The following MOB1A variants were observed in gnomAD, a reference collection of about 807,000 sequenced individuals.
MOB1A encodes MOB1 Mps One Binder homolog A.
MOB1A carries 10 observed loss-of-function variants against 25.1 expected under a neutral mutation model. The observed-to-expected ratio is 0.40, with a 90% CI of 0.25 to 0.68. The LOEUF (loss-of-function observed/expected upper bound fraction) is 0.68, where lower values mean the gene tolerates loss of function less well. Among genes scored for constraint, MOB1A ranks in the 30% least tolerant of loss-of-function variants. The pLI, the probability that MOB1A is intolerant of heterozygous loss-of-function variation, is 0.40. For synonymous variants in MOB1A, 81 were observed against 79.5 expected, an observed-to-expected ratio of 1.02 and a Z score of -0.10; for missense variants, 177 against 256.3, an observed-to-expected ratio of 0.69 and a Z score of 2.11.
rs911246777 is a variant in MOB1A, at chr2:74,155,688, G to A, written c.*880C>T. Reference sequence around the variant, plus strand: ...TCCATTCTCTTATCCAGAATTTTAAGGCCTCTGAAAAATAATGAAATAATA... The same window carrying A: ...TCCATTCTCTTATCCAGAATTTTAAAGCCTCTGAAAAATAATGAAATAATA... On this transcript the variant is annotated 3_prime_UTR_variant, in exon 6 of 6. Transcript: ENST00000396049. 3.4e-4 allele frequency: 52 copies of A among 152,488 alleles called. No homozygotes were observed. Among genetic ancestry groups the A allele is most frequent in the African/African-American group, 1.2e-3 (51 of 41,516 alleles). 9.4% of individuals were successfully genotyped at this position (152,488 alleles called of 1,614,324 possible).
In MOB1A at chr2:74,167,036, G is replaced by A. The variant is rs775938462; in HGVS notation, c.253C>T (p.Pro85Ser). The A allele has an allele frequency of 1.2e-6, 2 of 1,613,692 alleles. No homozygotes were observed. The highest frequency in any genetic ancestry group is 1.7e-5 in the Admixed American group (1 of 59,986). Reference protein sequence around the residue: ...ITEFCTEASCPVMSAGPRYEY... With the variant: ...ITEFCTEASCSVMSAGPRYEY... The stretch of plus-strand genomic sequence containing the variant: ...TACCTCGGACCTGCAGACATGACTG[G>A]ACAGCTTGCTTCAGTGCAGAATTCT... The change falls in exon 3 of 6, where the codon CCA becomes TCA. Residue 85 changes from proline (P) to serine (S), a missense_variant. Coordinates refer to ENST00000396049, the MANE Select transcript of MOB1A (RefSeq NM_018221.5).
chr2:74,167,726 T>C (rs917825028), intron 2 of MOB1A, among the ~76,000 whole-genome samples: 10 of 152,268 alleles, frequency 6.6e-5, no homozygotes, highest in Admixed American at 6.5e-4. Context: ...AAGATCTAAT[T>C]AATCATAAAC....
rs751902948 is a variant in MOB1A, at chr2:74,178,686, A to C, written c.-12T>G. On this transcript the variant is annotated 5_prime_UTR_variant, in exon 1 of 6. Transcript: ENST00000396049. The stretch of plus-strand genomic sequence containing the variant: ...AAGAGGAAGCTCATCTTCGGTCCTC[A>C]GAGGGGAGGCGAGGGGCCCCTGGCC... 55 of 1,316,898 alleles carry C rather than the reference A, an allele frequency of 4.2e-5. No homozygotes were observed. The highest frequency in any genetic ancestry group is 8.8e-6 in the Non-Finnish European group (9 of 1,024,808). 81.6% of individuals were successfully genotyped at this position (1,316,898 alleles called of 1,614,324 possible).
In MOB1A at chr2:74,153,064, T is replaced by G. The variant is rs1461391487; in HGVS notation, c.*3504A>C. The G allele has an allele frequency of 1.3e-5, 2 of 152,182 alleles. No individual in the cohort carries two copies. Among genetic ancestry groups the G allele is most frequent in the Admixed American group, 1.3e-4 (2 of 15,278 alleles). 9.4% of individuals were successfully genotyped at this position (152,182 alleles called of 1,614,324 possible). On this transcript the variant is annotated 3_prime_UTR_variant, in exon 6 of 6. Transcript: ENST00000396049. ...TTCAGAACTCTACAATAGTAGAAACTAAATTCCCTTATGGATCTCAGGGGG... is the reference window on the plus strand; with the variant it reads ...TTCAGAACTCTACAATAGTAGAAACGAAATTCCCTTATGGATCTCAGGGGG...
intron 2 of MOB1A, among the ~76,000 whole-genome samples, chr2:74,167,852 T>A (rs1314432183): frequency 6.6e-6 from 1 of 152,028 alleles, no homozygotes; most frequent in Non-Finnish European, 1.5e-5. Context: ...TAATATAAGA[T>A]ATGGCCAGGC....
chr2:74,177,308 G>A (rs1235613429), intron 1 of MOB1A, among the ~76,000 whole-genome samples: 1 of 152,054 alleles, frequency 6.6e-6, no homozygotes, highest in Non-Finnish European at 1.5e-5. Flanking sequence ...AGCCGAGACC[G>A]TGCCATTGCA....
intron 1 of MOB1A, among the ~76,000 whole-genome samples, chr2:74,175,994 C>A (rs894062719): frequency 6.6e-6 from 1 of 151,278 alleles, no homozygotes; most frequent in Admixed American, 6.6e-5. Flanking sequence ...ACCTGTAATC[C>A]CAGCACTCTG....
intron 4 of MOB1A, among the ~76,000 whole-genome samples, chr2:74,163,123 C>G (rs141854962): frequency 6.6e-6 from 1 of 152,128 alleles, no homozygotes; most frequent in Non-Finnish European, 1.5e-5. Flanking sequence ...AGGCAAGAAA[C>G]GGATGTCTGC....
At chr2:74,165,040 C>T in intron 4 of MOB1A, 178 bp downstream of exon 4, 2 of 360,874 alleles carry the variant, frequency 5.5e-6, no homozygotes, top group South Asian at 8.8e-5. Context: ...GAGAAACAGG[C>T]TGGATACGGT....
intron 1 of MOB1A, among the ~76,000 whole-genome samples, chr2:74,176,083 T>TAAACACACACACAC (rs1358627675): frequency 3.3e-4 from 43 of 129,318 alleles, no homozygotes; most frequent in African/African-American, 1.2e-3. Flanking sequence ...CCGCCTCTAC[T>TAAACACACACACAC]ACACACACAC....
At chr2:74,174,090 AC>A (rs1161802568) in intron 1 of MOB1A, among the ~76,000 whole-genome samples, 6 of 146,178 alleles carry the variant, frequency 4.1e-5, no homozygotes, top group African/African-American at 1.3e-4. Flanking sequence ...ACATGGTGAA[AC>A]CCCGTCTCCA....
Position 74,153,888 on chromosome 2 carries a change from A to G in MOB1A, c.*2680T>C. 6.6e-6 allele frequency: 1 copy of G among 152,390 alleles called. No individual in the cohort carries two copies. The highest frequency in any genetic ancestry group is 1.5e-5 in the Non-Finnish European group (1 of 68,122). The allele number at this position is 152,390 out of a possible 1,614,324, so 9.4% of individuals were successfully genotyped here. On this transcript the variant is annotated 3_prime_UTR_variant, in exon 6 of 6. Coordinates refer to ENST00000396049, the MANE Select transcript of MOB1A (RefSeq NM_018221.5). Reference sequence around the variant, plus strand: ...AAAGATTGATTTCTATAGGCCGGGCACGGTGGCTCATGCCTGTAATCCCAA... The same window carrying G: ...AAAGATTGATTTCTATAGGCCGGGCGCGGTGGCTCATGCCTGTAATCCCAA...
intron 4 of MOB1A, among the ~76,000 whole-genome samples, chr2:74,159,826 C>A (rs373469108): frequency 1.7e-5 from 2 of 115,528 alleles, no homozygotes; most frequent in South Asian, 3.6e-4. Context: ...TGTCCCCCCC[C>A]CCACCCCGGA....
chr2:74,174,765 C>A (rs1052233964), intron 1 of MOB1A, among the ~76,000 whole-genome samples: 6 of 152,084 alleles, frequency 3.9e-5, no homozygotes, highest in Non-Finnish European at 8.8e-5. Context: ...ACATATATTA[C>A]AAAGGATGAA....
intron 4 of MOB1A, chr2:74,164,998 A>C (rs1199587744): frequency 3.6e-6 from 1 of 275,528 alleles, no homozygotes; most frequent in Non-Finnish European, 6.7e-6. Context: ...AAGTATAACA[A>C]TGTTAAAAAG....
rs1457704876 is a variant in MOB1A at position 74,155,170 on chromosome 2, G to A, written c.*1398C>T. ...CTTTGCCAGTTTGGCAAGTCTTCCAGTATAATACTTGTTGTGCCTCAGTAC... is the reference window on the plus strand; with the variant it reads ...CTTTGCCAGTTTGGCAAGTCTTCCAATATAATACTTGTTGTGCCTCAGTAC... On this transcript the variant is annotated 3_prime_UTR_variant, in exon 6 of 6. Coordinates refer to ENST00000396049, the MANE Select transcript of MOB1A (RefSeq NM_018221.5). 6.6e-6 allele frequency: 1 copy of A among 152,458 alleles called. No individual in the cohort carries two copies. The highest frequency in any genetic ancestry group is 1.5e-5 in the Non-Finnish European group (1 of 68,004). 9.4% of individuals were successfully genotyped at this position (152,458 alleles called of 1,614,324 possible). A position where few individuals can be genotyped will look rare whatever the true frequency, so the allele number is the denominator to read the frequency against.
At position 74,155,903 on chromosome 2, in the gene MOB1A, T is replaced by C. The variant is rs1330952097; in HGVS notation, c.*665A>G. 1 of 152,028 alleles carries C rather than the reference T, an allele frequency of 6.6e-6. No homozygotes were observed. The highest frequency in any genetic ancestry group is 2.4e-5 in the African/African-American group (1 of 41,160). The allele number at this position is 152,028 out of a possible 1,614,324, so 9.4% of individuals were successfully genotyped here. A position where few individuals can be genotyped will look rare whatever the true frequency, so the allele number is the denominator to read the frequency against. On this transcript the variant is annotated 3_prime_UTR_variant, in exon 6 of 6. Coordinates refer to ENST00000396049, the MANE Select transcript of MOB1A (RefSeq NM_018221.5). ...ATATGAAAACAATCTCAAATAAAGA[T>C]CAAAAAATAAAGTCCCTGTAAAAAT...
chr2:74,174,457 G>A (rs532395644), intron 1 of MOB1A, among the ~76,000 whole-genome samples: 30 of 152,100 alleles, frequency 2.0e-4, no homozygotes, highest in African/African-American at 3.1e-4. Flanking sequence ...AGAAAATGGC[G>A]CAGGGAGGTT....
intron 4 of MOB1A, 72 bp from the exon 5 acceptor site, chr2:74,159,326 G>A (rs761662784): frequency 2.2e-6 from 3 of 1,343,554 alleles, no homozygotes; most frequent in South Asian, 2.4e-5. Context: ...TTGTGACAGG[G>A]TCTCACTTTG....
Sources: gnomAD v4.1 joint callset for allele counts (sites outside exome capture counted in the v4.1 genomes callset) on GRCh38, gnomAD v4.1.1 for gene constraint, MANE v1.5 for transcripts, NCBI Gene and HGNC (gene_info 2026-07-23, HGNC 2026-07-21) for gene names.